CCDC38: variants seen among roughly 807,000 people sequenced by gnomAD.
The protein encoded by CCDC38 is coiled-coil domain containing 38, also known as coiled-coil domain-containing protein 38.
CCDC38 carries 69 observed loss-of-function variants against 72.8 expected under a neutral mutation model. The observed-to-expected ratio is 0.95, with a 90% confidence interval of 0.78 to 1.16. CCDC38 has a LOEUF of 1.16. Among genes scored for constraint, CCDC38 ranks in the 50% most tolerant of loss-of-function variants. The probability of loss-of-function intolerance (pLI) is 0.00; values close to 1 mark genes in which losing one functional copy is unlikely to be tolerated. For synonymous variants in CCDC38, 201 were observed against 213.2 expected, an observed-to-expected ratio of 0.94 and a Z score of 0.50; for missense variants, 626 against 638.9, an observed-to-expected ratio of 0.98 and a Z score of 0.22.
At chr12:95,903,367 A>G in intron 5 of CCDC38, 1 of 691,684 alleles carries the variant, frequency 1.4e-6, no homozygotes, top group Non-Finnish European at 2.6e-6. Flanking sequence ...TTCCAATCTA[A>G]ATGTCTTTCA....
chr12:95,905,967 G>A (rs2079996809), intron 5 of CCDC38, among the ~76,000 whole-genome samples: 1 of 152,188 alleles, frequency 6.6e-6, no homozygotes, highest in African/African-American at 2.4e-5. Context: ...AGAATTGTCT[G>A]AATTTCCAGA....
chr12:95,892,466 T>C (rs2079839075), intron 8 of CCDC38, among the ~76,000 whole-genome samples: 3 of 151,498 alleles, frequency 2.0e-5, no homozygotes, highest in Non-Finnish European at 4.4e-5. Flanking sequence ...AAATTTTTTG[T>C]AGAGACTATG....
intron 2 of CCDC38, among the ~76,000 whole-genome samples, chr12:95,923,600 G>A (rs2080233374): frequency 6.6e-6 from 1 of 151,840 alleles, no homozygotes; most frequent in African/African-American, 2.4e-5. Flanking sequence ...GTGCAGGTTA[G>A]TTACATATGT....
intron 3 of CCDC38, among the ~76,000 whole-genome samples, chr12:95,918,172 G>T (rs2080166749): frequency 6.6e-6 from 1 of 152,152 alleles, no homozygotes; most frequent in African/African-American, 2.4e-5. Context: ...TGAACCAGGC[G>T]ATGTAGGTGT....
chr12:95,909,008 T>C (rs2080061513), intron 4 of CCDC38, among the ~76,000 whole-genome samples: 1 of 152,000 alleles, frequency 6.6e-6, no homozygotes, highest in Admixed American at 6.6e-5. Flanking sequence ...TTGATAAGAA[T>C]GTAACTGTAG....
At chr12:95,881,259 A>G (rs563510539) in intron 11 of CCDC38, among the ~76,000 whole-genome samples, 2 of 149,434 alleles carry the variant, frequency 1.3e-5, no homozygotes, top group East Asian at 3.9e-4. Context: ...TATATAAAAT[A>G]TATATATCCT....
intron 8 of CCDC38, among the ~76,000 whole-genome samples, chr12:95,893,696 G>A (rs1489344158): frequency 6.6e-6 from 1 of 151,788 alleles, no homozygotes; most frequent in Non-Finnish European, 1.5e-5. Context: ...GTCCAGGCTG[G>A]TCCCAAACTC....
At position 95,907,606 on chromosome 12, in the gene CCDC38, G is replaced by C. The variant is rs1224776808; in HGVS notation, c.305-1155C>G. Among the ~76,000 whole-genome samples the C allele has an allele frequency of 2.1e-5, 3 of 140,062 alleles. 1 individual carries two copies. Among genetic ancestry groups the C allele is most frequent in the African/African-American group, 8.2e-5 (3 of 36,688 alleles). The allele number at this position is 140,062 out of a possible 152,430, so 91.9% of individuals were successfully genotyped here. On this transcript the variant is annotated intron_variant, in intron 4 of 15. Transcript: ENST00000344280. ...TGACACCCCCACCTCCCTCCCGGAC[G>C]GGTGGCTGCCGGGCGGAGACGCTCC...
intron 2 of CCDC38, among the ~76,000 whole-genome samples, chr12:95,922,537 T>C (rs771691605): frequency 6.6e-6 from 1 of 152,088 alleles, no homozygotes; most frequent in South Asian, 2.1e-4. Flanking sequence ...TGAAACCCAT[T>C]AGGTTGAAGA....
intron 2 of CCDC38, among the ~76,000 whole-genome samples, chr12:95,921,012 C>G (rs1414591030): frequency 6.6e-6 from 1 of 151,792 alleles, no homozygotes; most frequent in Non-Finnish European, 1.5e-5. Flanking sequence ...CCTGTAATCC[C>G]AGCTCCTTGG....
At position 95,879,555 on chromosome 12, in the gene CCDC38, C is replaced by T. The variant is rs187059362; in HGVS notation, c.1142+89G>A. 1.0e-4 allele frequency: 90 copies of T among 887,924 alleles called. No homozygotes were observed. In the East Asian group the frequency reaches 1.6e-3, roughly 16 times the overall value. The allele number at this position is 887,924 out of a possible 1,614,324, so 55.0% of individuals were successfully genotyped here. ...CCCCAGCCTACATTCACAGAGACCA[C>T]GAGGAAGAGCCACATGTGAGTGAGT... On this transcript the variant is annotated intron_variant, in intron 12 of 15. Transcript: ENST00000344280. This position sits in a 1 kb window ranked among gnomAD's most constrained non-coding sequence, Gnocchi z 5.5.
At chr12:95,925,198 T>C (rs1422193018) in intron 2 of CCDC38, among the ~76,000 whole-genome samples, 9 of 152,204 alleles carry the variant, frequency 5.9e-5, no homozygotes, top group African/African-American at 1.9e-4. Flanking sequence ...CATTTGTTTG[T>C]ATCCTCTTCT....
chr12:95,870,787 G>C (rs998020891), intron 14 of CCDC38, among the ~76,000 whole-genome samples: 34 of 152,110 alleles, frequency 2.2e-4, no homozygotes, highest in Non-Finnish European at 2.9e-5. Flanking sequence ...TTTACTGTGG[G>C]TAAGCATATC....
At chr12:95,909,498 C>A (rs528764479) in intron 4 of CCDC38, among the ~76,000 whole-genome samples, 1 of 152,260 alleles carries the variant, frequency 6.6e-6, no homozygotes, top group Admixed American at 6.5e-5. Context: ...ACCAATCCTA[C>A]TGAAGTTATT....
chr12:95,907,153 TCAACAGGATC>T (rs2080013941), intron 4 of CCDC38, among the ~76,000 whole-genome samples: 1 of 147,192 alleles, frequency 6.8e-6, no homozygotes, highest in Non-Finnish European at 1.5e-5. Context: ...AGGTCACAGA[TCAACAGGATC>T]CCAAGGCAGA....
intron 8 of CCDC38, among the ~76,000 whole-genome samples, chr12:95,892,773 G>A (rs2121461673): frequency 6.6e-6 from 1 of 151,890 alleles, no homozygotes; most frequent in African/African-American, 2.4e-5. Flanking sequence ...GTTTCACCAT[G>A]TTGGTCAGGC....
At chr12:95,875,211 G>A (rs1396774423) in intron 13 of CCDC38, among the ~76,000 whole-genome samples, 6 of 152,158 alleles carry the variant, frequency 3.9e-5, no homozygotes, top group Non-Finnish European at 8.8e-5. Flanking sequence ...AAGAGGGCTG[G>A]TAAAGCCTGG....
At chr12:95,888,225 C>T (rs1200446943) in intron 10 of CCDC38, among the ~76,000 whole-genome samples, 4 of 152,130 alleles carry the variant, frequency 2.6e-5, no homozygotes, top group Non-Finnish European at 5.9e-5. Context: ...AGCAAAGACC[C>T]AAGATGCAGG....
rs908954834 is a variant in CCDC38, at chr12:95,879,577, G to C, written c.1142+67C>G. On this transcript the variant is annotated intron_variant, in intron 12 of 15. Coordinates refer to ENST00000344280, the MANE Select transcript of CCDC38 (RefSeq NM_182496.3). This position sits in a 1 kb window ranked among gnomAD's most constrained non-coding sequence, Gnocchi z 5.5. The stretch of plus-strand genomic sequence containing the variant: ...CCACGAGGAAGAGCCACATGTGAGT[G>C]AGTTGGACCCAGGCTCTGGTTAGAA... 3 of 1,130,934 alleles carry C rather than the reference G, an allele frequency of 2.7e-6. No individual in the cohort carries two copies. Among genetic ancestry groups the C allele is most frequent in the Admixed American group, 4.2e-5 (2 of 47,824 alleles). The allele number at this position is 1,130,934 out of a possible 1,614,324, so 70.1% of individuals were successfully genotyped here.
Sources: allele counts gnomAD v4.1 joint callset (sites outside exome capture counted in the v4.1 genomes callset), GRCh38; gene constraint gnomAD v4.1.1; non-coding constraint Gnocchi (gnomAD v3.1); transcripts MANE v1.5; gene names NCBI Gene and HGNC (gene_info 2026-07-23, HGNC 2026-07-21).